DAB1: variants seen among roughly 807,000 people sequenced by gnomAD.
The protein encoded by DAB1 is disabled homolog 1.
DAB1 carries 15 observed loss-of-function variants against 64.6 expected under a neutral mutation model. That is an observed-to-expected ratio of 0.23 (90% CI 0.16 to 0.36). The LOEUF (loss-of-function observed/expected upper bound fraction) is 0.36, where lower values mean the gene tolerates loss of function less well. Ranked by LOEUF, DAB1 falls within the 10% of genes least tolerant of loss-of-function variation. The probability of loss-of-function intolerance (pLI) is 1.00; values close to 1 mark genes in which losing one functional copy is unlikely to be tolerated. For missense variants in DAB1, 596 were observed against 706.7 expected, an observed-to-expected ratio of 0.84 and a Z score of 1.78; for synonymous variants, 235 against 251.9, an observed-to-expected ratio of 0.93 and a Z score of 0.64.
At chr1:58,438,179 G>A (rs1397514637) in intron 3 of DAB1, among the ~76,000 whole-genome samples, 2 of 152,072 alleles carry the variant, frequency 1.3e-5, no homozygotes, top group African/African-American at 4.8e-5. Context: ...CACTCTTTTC[G>A]TTCCAGCTAG....
chr1:57,768,588 A>C (rs987862548), intron 6 of DAB1, among the ~76,000 whole-genome samples: 1 of 150,210 alleles, frequency 6.7e-6, no homozygotes, highest in African/African-American at 2.4e-5. Context: ...ATATACACAA[A>C]CATATAAATA....
At chr1:57,532,324 ATT>A (rs1644674440) in intron 7 of DAB1, among the ~76,000 whole-genome samples, 1 of 13,472 alleles carries the variant, frequency 7.4e-5, no homozygotes, top group Non-Finnish European at 2.3e-4. Context: ...TAGGCTCTTC[ATT>A]CATTCATTCA....
chr1:57,967,980 G>C (rs1362230265), intron 5 of DAB1, among the ~76,000 whole-genome samples: 1 of 152,124 alleles, frequency 6.6e-6, no homozygotes, highest in Non-Finnish European at 1.5e-5. Flanking sequence ...GGAATGAAAA[G>C]GAAAACATAG....
intron 7 of DAB1, among the ~76,000 whole-genome samples, chr1:57,455,087 G>A (rs1483794881): frequency 1.3e-5 from 2 of 152,134 alleles, no homozygotes; most frequent in African/African-American, 4.8e-5. Context: ...CCTCAACCCA[G>A]AGGAAGTGCC....
intron 5 of DAB1, among the ~76,000 whole-genome samples, chr1:58,095,235 C>T (rs1650910046): frequency 6.6e-6 from 1 of 152,202 alleles, no homozygotes; most frequent in Non-Finnish European, 1.5e-5. Context: ...AAACTCTTCG[C>T]ATGTACTTAG....
intron 4 of DAB1, among the ~76,000 whole-genome samples, chr1:57,081,595 C>T (rs1047373190): frequency 4.0e-5 from 6 of 150,048 alleles, no homozygotes; most frequent in African/African-American, 7.6e-5. Flanking sequence ...TTTTGTTGGT[C>T]GCTTAAGACT....
chr1:57,307,213 C>T (rs952355175), intron 1 of DAB1: 1 of 152,296 alleles, frequency 6.6e-6, no homozygotes, highest in South Asian at 2.1e-4. Flanking sequence ...ATGGTGCTGT[C>T]CTCATTTTAC....
At chr1:58,131,258 G>C (rs1159609807) in intron 5 of DAB1, among the ~76,000 whole-genome samples, 1 of 142,438 alleles carries the variant, frequency 7.0e-6, no homozygotes. Flanking sequence ...ATCGGCTCCT[G>C]AGGCTTCTGC....
At chr1:57,197,490 T>A (rs1468056566) in intron 2 of DAB1, among the ~76,000 whole-genome samples, 2 of 152,230 alleles carry the variant, frequency 1.3e-5, no homozygotes, top group Non-Finnish European at 2.9e-5. Context: ...ATTTTCTTTT[T>A]AAAAACTGAC....
chr1:58,455,305 G>A (rs969981652), intron 3 of DAB1, among the ~76,000 whole-genome samples: 20 of 152,260 alleles, frequency 1.3e-4, no homozygotes, highest in Admixed American at 7.8e-4. Flanking sequence ...TCCACAGGGC[G>A]AGGGAGCTAG....
chr1:58,502,578 T>C (rs934938588), intron 3 of DAB1, among the ~76,000 whole-genome samples: 3 of 152,230 alleles, frequency 2.0e-5, no homozygotes, highest in Non-Finnish European at 4.4e-5. Flanking sequence ...AGGTAGAACA[T>C]AACATACTCA....
At chr1:58,311,014 C>G (rs953464723) in intron 4 of DAB1, among the ~76,000 whole-genome samples, 1 of 152,104 alleles carries the variant, frequency 6.6e-6, no homozygotes, top group Non-Finnish European at 1.5e-5. Flanking sequence ...AACTTTGGAT[C>G]TGTCTCTAGC....
chr1:58,357,641 T>C (rs1208562924), intron 3 of DAB1, among the ~76,000 whole-genome samples: 5 of 152,208 alleles, frequency 3.3e-5, no homozygotes. Context: ...AGCATGTTAA[T>C]GGCATTCGAA....
At chr1:58,280,006 C>T (rs1309074744) in intron 4 of DAB1, among the ~76,000 whole-genome samples, 2 of 152,132 alleles carry the variant, frequency 1.3e-5, no homozygotes, top group Non-Finnish European at 2.9e-5. Flanking sequence ...GCCTAACCAT[C>T]TGCACACCCT....
At chr1:57,743,868 T>C (rs542290126) in intron 6 of DAB1, among the ~76,000 whole-genome samples, 4 of 152,348 alleles carry the variant, frequency 2.6e-5, no homozygotes, top group East Asian at 3.9e-4. Context: ...TCTATAGATA[T>C]TAAATTAACT....
upstream of DAB1, among the ~76,000 whole-genome samples, chr1:57,426,207 A>G (rs763824683): frequency 1.3e-5 from 2 of 152,204 alleles, no homozygotes; most frequent in Non-Finnish European, 2.9e-5. Context: ...TTCTATTGAC[A>G]TTATGATTAC....
At chr1:57,407,819 T>C (rs1683777855) in intron 1 of DAB1, among the ~76,000 whole-genome samples, 1 of 151,368 alleles carries the variant, frequency 6.6e-6, no homozygotes, top group South Asian at 2.1e-4. Flanking sequence ...TTTGTACATA[T>C]ATGAAATACT....
intron 2 of DAB1, among the ~76,000 whole-genome samples, chr1:57,244,982 C>G (rs1668755076): frequency 6.6e-6 from 1 of 152,152 alleles, no homozygotes; most frequent in South Asian, 2.1e-4. Flanking sequence ...GACTTTGGAA[C>G]TGGGTAAGGG....
upstream of DAB1, among the ~76,000 whole-genome samples, chr1:57,426,633 T>C (rs1406783642): frequency 6.6e-6 from 1 of 152,198 alleles, no homozygotes; most frequent in Non-Finnish European, 1.5e-5. Flanking sequence ...TTGTTTATTA[T>C]GTTTCAGACA....
Sources: allele counts gnomAD v4.1 joint callset (sites outside exome capture counted in the v4.1 genomes callset), GRCh38; gene constraint gnomAD v4.1.1; transcripts MANE v1.5; gene names NCBI Gene and HGNC (gene_info 2026-07-23, HGNC 2026-07-21).